Variants in GLRX3 observed in about 807,000 individuals in gnomAD.
GLRX3 encodes glutaredoxin-3.
In GLRX3, 22 loss-of-function variants were observed where a neutral mutation model predicts 49.5. The observed-to-expected ratio is 0.44, with a 90% confidence interval of 0.32 to 0.63. The LOEUF (loss-of-function observed/expected upper bound fraction) is 0.63, where lower values mean the gene tolerates loss of function less well. Ranked by LOEUF, GLRX3 falls within the 30% of genes least tolerant of loss-of-function variation. The pLI is 0.05. For synonymous variants in GLRX3, 133 were observed against 140.0 expected, an observed-to-expected ratio of 0.95 and a Z score of 0.35; for missense variants, 385 against 396.3, an observed-to-expected ratio of 0.97 and a Z score of 0.24.
chr10:130,179,701 G>A (rs557798171), downstream of GLRX3: 1 of 298,208 alleles, frequency 3.4e-6, no homozygotes, highest in African/African-American at 2.3e-5. Flanking sequence ...TAGTACATGA[G>A]TATCTTCTAG....
chr10:130,169,145 C>T (rs1862753253), intron 6 of GLRX3, among the ~76,000 whole-genome samples: 1 of 152,020 alleles, frequency 6.6e-6, no homozygotes, highest in African/African-American at 2.4e-5. Flanking sequence ...TTGAACAATT[C>T]CTTACTGAAT....
intron 1 of GLRX3, among the ~76,000 whole-genome samples, chr10:130,140,624 T>G (rs1489977703): frequency 6.6e-6 from 1 of 152,226 alleles, no homozygotes; most frequent in East Asian, 1.9e-4. Context: ...CAAAACCATG[T>G]TAGTAATAAT....
At chr10:130,156,183 A>G (rs539607672) in intron 2 of GLRX3, among the ~76,000 whole-genome samples, 4 of 152,248 alleles carry the variant, frequency 2.6e-5, no homozygotes, top group Non-Finnish European at 5.9e-5. Context: ...AGATCAAAGC[A>G]CCAGCAGATT....
In GLRX3 at chr10:130,169,433, G is replaced by T; in HGVS notation, c.714G>T (p.Arg238Ser). Residue 238 changes from arginine to serine, a missense_variant and splice_region_variant, in exon 7 of 11, where the codon AGG becomes AGT. Arg to Ser is a moderately radical substitution (Grantham distance 110). This residue lies in a region of GLRX3 where 374 missense variants were observed against 358.6 expected (regional missense o/e 1.04). Transcript: ENST00000331244. ...ICPKAPKLEE[R>S]LKVLTNKASV... ...TTTTATATCAATTTTCTCTCTTTAG[G>T]CTCAAAGTGCTGACAAATAAAGCTT... 1.2e-6 allele frequency: 2 copies of T among 1,606,110 alleles called. No homozygotes were observed. The highest frequency in any genetic ancestry group is 1.7e-6 in the Non-Finnish European group (2 of 1,172,776).
chr10:130,163,879 T>A (rs929975662), intron 4 of GLRX3, among the ~76,000 whole-genome samples: 1 of 152,202 alleles, frequency 6.6e-6, no homozygotes, highest in Non-Finnish European at 1.5e-5. Context: ...GGCTGCTCTT[T>A]CCTTATTTTG....
intron 1 of GLRX3, among the ~76,000 whole-genome samples, chr10:130,140,822 A>G (rs2134868587): frequency 6.6e-6 from 1 of 152,280 alleles, no homozygotes; most frequent in African/African-American, 2.4e-5. Flanking sequence ...TTTTCTTATG[A>G]CCATTTAAAA....
At chr10:130,148,433 CTTTTTTTT>C (rs57482969) in intron 2 of GLRX3, among the ~76,000 whole-genome samples, 21,972 of 71,086 alleles carry the variant, frequency 0.31, 2,249 homozygotes, top group South Asian at 0.43. Flanking sequence ...GCCCTTCAGT[CTTTTTTTT>C]TTTTTTTTTT....
intron 1 of GLRX3, among the ~76,000 whole-genome samples, chr10:130,140,504 CAA>C (rs1207403013): frequency 6.6e-6 from 1 of 152,152 alleles, no homozygotes; most frequent in African/African-American, 2.4e-5. Flanking sequence ...TTTCAACTAA[CAA>C]TATCATGTTT....
chr10:130,152,949 A>C (rs1862407166), intron 2 of GLRX3, among the ~76,000 whole-genome samples: 1 of 152,102 alleles, frequency 6.6e-6, no homozygotes. Context: ...AATCAAACGT[A>C]GATTTGGTCT....
At chr10:130,152,812 G>A (rs887176528) in intron 2 of GLRX3, among the ~76,000 whole-genome samples, 6 of 152,172 alleles carry the variant, frequency 3.9e-5, no homozygotes, top group African/African-American at 1.2e-4. Context: ...TATATTTGTG[G>A]TGGTCTGTGT....
chr10:130,155,700 G>T (rs997185407), intron 2 of GLRX3, among the ~76,000 whole-genome samples: 2 of 152,154 alleles, frequency 1.3e-5, no homozygotes, highest in African/African-American at 4.8e-5. Flanking sequence ...GAGAGGCCTG[G>T]GCTGGGAAGA....
chr10:130,137,725 G>T (rs1438942061), intron 1 of GLRX3, among the ~76,000 whole-genome samples: 2 of 152,072 alleles, frequency 1.3e-5, no homozygotes, highest in Non-Finnish European at 2.9e-5. Flanking sequence ...GAATTCACAG[G>T]CAAAAAGCTT....
Position 130,163,426 on chromosome 10 carries a change from CA to C in GLRX3, c.478+2433del, listed in dbSNP as rs576392362. ...GACAGAGTGAAACTCTGTCTCAAAA[CA>C]AAACAAAACACATTTCAGAGCCATC... On this transcript the variant is annotated intron_variant, in intron 4 of 10. Transcript: ENST00000331244. Among the ~76,000 whole-genome samples, 184 of 152,066 alleles carry C rather than the reference CA, an allele frequency of 1.2e-3. 2 individuals are homozygous for C. The highest frequency in any genetic ancestry group is 4.2e-3 in the African/African-American group (176 of 41,486).
Position 130,145,167 on chromosome 10 carries a change from A to G in GLRX3, c.93-44A>G, listed in dbSNP as rs1242142654. 8.9e-6 allele frequency: 7 copies of G among 782,466 alleles called. No homozygotes were observed. The African/African-American group carries it at 1.2e-4, about 14-fold the overall frequency. 48.5% of individuals were successfully genotyped at this position (782,466 alleles called of 1,614,324 possible). A position where few individuals can be genotyped will look rare whatever the true frequency, so the allele number is the denominator to read the frequency against. ...TTTATATCAGTATTTGTGTATTTCC[A>G]AAATTGGTATAATTTTAAATAAATG... is the stretch of plus-strand genomic sequence containing the variant. On this transcript the variant is annotated intron_variant, in intron 1 of 10. Coordinates refer to ENST00000331244, the MANE Select transcript of GLRX3 (RefSeq NM_006541.5).
At chr10:130,153,737 G>T (rs1004732038) in intron 2 of GLRX3, among the ~76,000 whole-genome samples, 2 of 152,156 alleles carry the variant, frequency 1.3e-5, no homozygotes, top group African/African-American at 4.8e-5. Flanking sequence ...GTGTCTCCCA[G>T]TGAGGCTATA....
At chr10:130,159,793 C>G in intron 2 of GLRX3, 1 of 1,314,658 alleles carries the variant, frequency 7.6e-7, no homozygotes. Flanking sequence ...ACCTCTGAAC[C>G]TGTTTTGACA....
Position 130,160,142 on chromosome 10 carries a change from C to T in GLRX3, c.276+73C>T, listed in dbSNP as rs558042092. 505 of 871,222 alleles carry T rather than the reference C, an allele frequency of 5.8e-4. 3 individuals carry two copies. In the Middle Eastern group the frequency reaches 0.013, roughly 22 times the overall value. 54.0% of individuals were successfully genotyped at this position (871,222 alleles called of 1,614,324 possible). The stretch of plus-strand genomic sequence containing the variant: ...GGGGCTACCTATTTTGTTTCTTTAC[C>T]CTCTCTCTAATCCCCGAATATTAGG... On this transcript the variant is annotated intron_variant, in intron 3 of 10. Coordinates refer to ENST00000331244, the MANE Select transcript of GLRX3 (RefSeq NM_006541.5).
At chr10:130,171,020 C>T (rs934404831) in intron 7 of GLRX3, among the ~76,000 whole-genome samples, 2 of 151,732 alleles carry the variant, frequency 1.3e-5, no homozygotes, top group African/African-American at 2.4e-5. Flanking sequence ...CCCAGCTACT[C>T]GGGAGGCTGA....
At chr10:130,142,029 A>G (rs1862184479) in intron 1 of GLRX3, among the ~76,000 whole-genome samples, 1 of 152,170 alleles carries the variant, frequency 6.6e-6, no homozygotes, top group Admixed American at 6.5e-5. Context: ...TTGAAACAGC[A>G]CAGTCTCTGC....
Sources: gnomAD v4.1 joint callset for allele counts (sites outside exome capture counted in the v4.1 genomes callset) on GRCh38, gnomAD v4.1.1 for gene constraint, gnomAD v4.1.1 regional missense constraint, MANE v1.5 for transcripts, NCBI Gene and HGNC (gene_info 2026-07-23, HGNC 2026-07-21) for gene names.